The following MACROD2 variants were observed in gnomAD, a reference collection of about 807,000 sequenced individuals.
The protein encoded by MACROD2 is mono-ADP ribosylhydrolase 2.
In MACROD2, 36 loss-of-function variants were observed where a neutral mutation model predicts 70.4. The ratio of observed to expected loss-of-function variants is 0.51; its 90% CI spans 0.39 to 0.68. The LOEUF (loss-of-function observed/expected upper bound fraction) is 0.68, where lower values mean the gene tolerates loss of function less well. MACROD2 is among the 30% of genes least tolerant of loss of function. MACROD2 has a pLI of 0.00. For missense variants in MACROD2, 496 were observed against 538.4 expected (o/e 0.92, Z 0.78); for synonymous variants, 172 against 178.8 (o/e 0.96, Z 0.30).
chr20:14,504,107 T>C (rs754412832), intron 4 of MACROD2, among the ~76,000 whole-genome samples: 5 of 152,200 alleles, frequency 3.3e-5, no homozygotes, highest in Non-Finnish European at 5.9e-5. Context: ...CACAATGACA[T>C]GGACTGTTTC....
At chr20:14,425,706 A>G (rs548479133) in intron 3 of MACROD2, among the ~76,000 whole-genome samples, 6 of 152,244 alleles carry the variant, frequency 3.9e-5, no homozygotes, top group Middle Eastern at 3.4e-3. Context: ...TAGGTTTTGT[A>G]TCAACTGTCA....
intron 3 of MACROD2, among the ~76,000 whole-genome samples, chr20:14,236,527 A>G (rs577814577): frequency 3.3e-5 from 5 of 152,144 alleles, no homozygotes; most frequent in Non-Finnish European, 5.9e-5. Flanking sequence ...ATATTTAGAA[A>G]ATACGAAAAT....
At chr20:14,797,767 A>G (rs770018189) in intron 5 of MACROD2, among the ~76,000 whole-genome samples, 6 of 152,036 alleles carry the variant, frequency 3.9e-5, no homozygotes, top group Non-Finnish European at 8.8e-5. Flanking sequence ...TACACTACCA[A>G]TTCCATGGGG....
chr20:14,278,927 T>C (rs2082281673), intron 3 of MACROD2, among the ~76,000 whole-genome samples: 1 of 152,190 alleles, frequency 6.6e-6, no homozygotes, highest in African/African-American at 2.4e-5. Context: ...AAGAATCTAT[T>C]CTTAAATGAA....
chr20:15,743,978 C>A (rs539134726), intron 8 of MACROD2, among the ~76,000 whole-genome samples: 2 of 152,264 alleles, frequency 1.3e-5, no homozygotes, highest in South Asian at 2.1e-4. Context: ...GTTGCCAGCA[C>A]ACAAGAAGCA....
intron 15 of MACROD2, among the ~76,000 whole-genome samples, chr20:16,029,853 T>G: frequency 6.6e-6 from 1 of 152,172 alleles, no homozygotes; most frequent in East Asian, 1.9e-4. Flanking sequence ...TGACTAGAAC[T>G]AATTATCTCT....
intron 3 of MACROD2, among the ~76,000 whole-genome samples, chr20:14,278,430 GA>G (rs1262303428): frequency 6.6e-6 from 1 of 151,488 alleles, no homozygotes; most frequent in Non-Finnish European, 1.5e-5. Flanking sequence ...TGAAAGGACT[GA>G]AAATTAATTG....
Position 14,013,152 on chromosome 20 carries a change from GT to G in MACROD2, c.163+10757del, listed in dbSNP as rs543465056. On this transcript the variant is annotated intron_variant, in intron 2 of 17. Coordinates refer to ENST00000684519, the MANE Select transcript of MACROD2 (RefSeq NM_001351661.2). ...TCTAGACTATGTGGTTTGTCTGCCA[GT>G]TTTTTTTTCAAATTGTTGCAAGTCT... Among the ~76,000 whole-genome samples the G allele has an allele frequency of 1.5e-3, 223 of 148,712 alleles. 7 individuals carry two copies. In the East Asian group the frequency reaches 0.027, roughly 18 times the overall value.
chr20:15,463,000 A>T (rs905730462), intron 7 of MACROD2, among the ~76,000 whole-genome samples: 2 of 152,234 alleles, frequency 1.3e-5, no homozygotes, highest in African/African-American at 4.8e-5. Flanking sequence ...GCATTTTATT[A>T]ACTACAACTA....
At chr20:14,825,910 T>TGGG in intron 5 of MACROD2, among the ~76,000 whole-genome samples, 1 of 152,246 alleles carries the variant, frequency 6.6e-6, no homozygotes, top group East Asian at 1.9e-4. Context: ...CATTTTCCTC[T>TGGG]GAATAGTTAA....
chr20:15,191,170 C>T (rs1279905780), intron 5 of MACROD2, among the ~76,000 whole-genome samples: 1 of 152,164 alleles, frequency 6.6e-6, no homozygotes, highest in Non-Finnish European at 1.5e-5. Flanking sequence ...ACTGAGGTTC[C>T]TCTGGGCAAC....
chr20:15,278,547 A>T (rs1042212813), intron 6 of MACROD2, among the ~76,000 whole-genome samples: 2 of 152,194 alleles, frequency 1.3e-5, no homozygotes, highest in South Asian at 4.1e-4. Flanking sequence ...TCCAAGAGCT[A>T]CTGAAATAGT....
chr20:14,007,121 T>A (rs1445591654), intron 2 of MACROD2, among the ~76,000 whole-genome samples: 1 of 152,138 alleles, frequency 6.6e-6, no homozygotes, highest in Non-Finnish European at 1.5e-5. Flanking sequence ...ATCCATTACG[T>A]TATTAGGGGT....
intron 5 of MACROD2, among the ~76,000 whole-genome samples, chr20:15,079,929 G>A (rs563896199): frequency 6.6e-6 from 1 of 151,936 alleles, no homozygotes; most frequent in East Asian, 1.9e-4. Context: ...TTTCCCCAGA[G>A]AAAATAGAAG....
intron 5 of MACROD2, among the ~76,000 whole-genome samples, chr20:15,176,363 G>A (rs1249143462): frequency 6.6e-6 from 1 of 152,188 alleles, no homozygotes; most frequent in African/African-American, 2.4e-5. Context: ...AGTTCCTGAT[G>A]AAGTCTGCAG....
At chr20:14,815,820 C>G (rs2072767809) in intron 5 of MACROD2, among the ~76,000 whole-genome samples, 1 of 151,836 alleles carries the variant, frequency 6.6e-6, no homozygotes, top group Non-Finnish European at 1.5e-5. Flanking sequence ...ATTGCCAACT[C>G]TTTTCACACA....
intron 8 of MACROD2, among the ~76,000 whole-genome samples, chr20:15,580,859 G>A (rs1600624600): frequency 6.6e-6 from 1 of 152,138 alleles, no homozygotes. Context: ...ATGATTTTTA[G>A]GGGAATTCAG....
intron 8 of MACROD2, among the ~76,000 whole-genome samples, chr20:15,775,414 G>T (rs938108176): frequency 6.6e-6 from 1 of 152,120 alleles, no homozygotes; most frequent in South Asian, 2.1e-4. Context: ...CAGATCAGTA[G>T]TGTGGTCTTT....
At chr20:15,282,016 T>G (rs1319502139) in intron 6 of MACROD2, among the ~76,000 whole-genome samples, 1 of 152,236 alleles carries the variant, frequency 6.6e-6, no homozygotes, top group Non-Finnish European at 1.5e-5. Flanking sequence ...ATGTGTAAGC[T>G]TCCAACCAAG....
Sources: allele counts gnomAD v4.1 joint callset (sites outside exome capture counted in the v4.1 genomes callset), GRCh38; gene constraint gnomAD v4.1.1; transcripts MANE v1.5; gene names NCBI Gene and HGNC (gene_info 2026-07-23, HGNC 2026-07-21).